The following ZNF438 variants were observed in gnomAD, a reference collection of about 807,000 sequenced individuals.
The protein encoded by ZNF438 is zinc finger protein 438.
ZNF438 carries 25 observed loss-of-function variants against 38.0 expected under a neutral mutation model. That is an observed-to-expected ratio of 0.66 (90% CI 0.48 to 0.92). The LOEUF (loss-of-function observed/expected upper bound fraction) is 0.92. Among genes scored for constraint, ZNF438 ranks in the 40% least tolerant of loss-of-function variants. The pLI is 0.00. For synonymous variants in ZNF438, 372 were observed against 364.1 expected, an observed-to-expected ratio of 1.02 and a Z score of -0.25; for missense variants, 1,007 against 999.6, an observed-to-expected ratio of 1.01 and a Z score of -0.10.
At chr10:30,876,486 A>G (rs1380950910) in intron 4 of ZNF438, among the ~76,000 whole-genome samples, 3 of 152,156 alleles carry the variant, frequency 2.0e-5, no homozygotes, top group Non-Finnish European at 4.4e-5. Flanking sequence ...TCATTATTTT[A>G]TTTTTTATAC....
intron 3 of ZNF438, among the ~76,000 whole-genome samples, chr10:30,883,621 A>G (rs1224806793): frequency 6.6e-6 from 1 of 152,218 alleles, no homozygotes; most frequent in African/African-American, 2.4e-5. Flanking sequence ...CTGTAATCCC[A>G]ACACTTTTGG....
chr10:30,950,331 T>G (rs2048016785), intron 1 of ZNF438, among the ~76,000 whole-genome samples: 1 of 150,620 alleles, frequency 6.6e-6, no homozygotes, highest in African/African-American at 2.4e-5. Context: ...ACATCACAAT[T>G]AAAAGAACTA....
intron 2 of ZNF438, among the ~76,000 whole-genome samples, chr10:30,911,691 T>G (rs1187441953): frequency 6.6e-6 from 1 of 152,170 alleles, no homozygotes; most frequent in Non-Finnish European, 1.5e-5. Flanking sequence ...CCAGCCTCTT[T>G]GATGCCTGAC....
chr10:30,881,135 CAGTGCAAT>C (rs1310926545), intron 3 of ZNF438, among the ~76,000 whole-genome samples: 2 of 152,020 alleles, frequency 1.3e-5, no homozygotes, highest in African/African-American at 2.4e-5. Flanking sequence ...AAGTTCTAGC[CAGTGCAAT>C]AGAGCAAAAA....
intron 4 of ZNF438, among the ~76,000 whole-genome samples, chr10:30,856,733 CTT>C (rs1386832416): frequency 2.0e-5 from 3 of 152,168 alleles, no homozygotes; most frequent in African/African-American, 7.2e-5. Context: ...TAAACATGGA[CTT>C]TTATTAACTG....
At chr10:30,896,787 C>T (rs1405770333) in intron 3 of ZNF438, among the ~76,000 whole-genome samples, 1 of 152,030 alleles carries the variant, frequency 6.6e-6, no homozygotes, top group African/African-American at 2.4e-5. Flanking sequence ...GTAATTAACA[C>T]TACTGAAATG....
At chr10:30,867,262 A>T (rs1031155039) in intron 4 of ZNF438, among the ~76,000 whole-genome samples, 1 of 152,240 alleles carries the variant, frequency 6.6e-6, no homozygotes, top group Non-Finnish European at 1.5e-5. Context: ...ACTATCTTCA[A>T]TGAAGCCAGA....
At chr10:30,929,099 A>C (rs2045310279) in intron 2 of ZNF438, among the ~76,000 whole-genome samples, 2 of 152,252 alleles carry the variant, frequency 1.3e-5, no homozygotes, top group South Asian at 4.1e-4. Flanking sequence ...TTAATAGAAG[A>C]AAGCAGGTGG....
exon 5 of ZNF438, chr10:30,850,346 C>G: frequency 5.6e-6 from 9 of 1,612,166 alleles, no homozygotes; most frequent in Non-Finnish European, 7.6e-6. Context: ...CTGTATTGTT[C>G]CAGAAGGGAT....
At chr10:31,020,381 C>A (rs568586105) in intron 1 of ZNF438, among the ~76,000 whole-genome samples, 1 of 152,184 alleles carries the variant, frequency 6.6e-6, no homozygotes, top group East Asian at 1.9e-4. Context: ...TCAGGAGAGG[C>A]GGCAATTACA....
chr10:30,880,430 T>TAAAAAAAAA (rs60365494), intron 3 of ZNF438, among the ~76,000 whole-genome samples: 2 of 111,924 alleles, frequency 1.8e-5, no homozygotes, highest in Non-Finnish European at 3.6e-5. Flanking sequence ...AAATTCTATC[T>TAAAAAAAAA]AAAAAAAAAA....
chr10:30,933,652 G>A (rs765067174), intron 2 of ZNF438, among the ~76,000 whole-genome samples: 7 of 152,034 alleles, frequency 4.6e-5, no homozygotes, highest in South Asian at 2.1e-4. Flanking sequence ...AAAACATTAC[G>A]CAGGCTATGC....
At chr10:30,886,040 A>G (rs1220565360) in intron 3 of ZNF438, among the ~76,000 whole-genome samples, 1 of 152,244 alleles carries the variant, frequency 6.6e-6, no homozygotes, top group African/African-American at 2.4e-5. Context: ...GAGCTTTCTC[A>G]TGATTACTGA....
intron 1 of ZNF438, among the ~76,000 whole-genome samples, chr10:31,005,066 T>C (rs2054994930): frequency 6.6e-6 from 1 of 152,122 alleles, no homozygotes; most frequent in Non-Finnish European, 1.5e-5. Flanking sequence ...CTAAGGAAAT[T>C]AAAAATACAA....
chr10:31,022,216 T>C (rs544297750), intron 1 of ZNF438, among the ~76,000 whole-genome samples: 6 of 152,070 alleles, frequency 3.9e-5, no homozygotes, highest in East Asian at 3.9e-4. Flanking sequence ...TCATAGTCAC[T>C]GTTTGGTGGC....
intron 2 of ZNF438, among the ~76,000 whole-genome samples, chr10:30,912,741 A>G (rs1257631125): frequency 6.6e-6 from 1 of 152,114 alleles, no homozygotes; most frequent in Non-Finnish European, 1.5e-5. Flanking sequence ...TCCTCAGCTT[A>G]AAAAATGCTG....
intron 3 of ZNF438, among the ~76,000 whole-genome samples, chr10:30,898,952 T>C (rs2041679317): frequency 6.6e-6 from 1 of 152,210 alleles, no homozygotes; most frequent in Admixed American, 6.5e-5. Flanking sequence ...TAGTTAAGGA[T>C]GGATCTTCAA....
intron 1 of ZNF438, among the ~76,000 whole-genome samples, chr10:30,980,894 T>A (rs2052052173): frequency 6.6e-6 from 1 of 152,200 alleles, no homozygotes; most frequent in African/African-American, 2.4e-5. Context: ...TAGCCAACCA[T>A]CATAATCCTC....
intron 2 of ZNF438, among the ~76,000 whole-genome samples, chr10:30,936,320 C>G (rs975935329): frequency 6.6e-6 from 1 of 152,200 alleles, no homozygotes; most frequent in Non-Finnish European, 1.5e-5. Context: ...CAAATCTAAA[C>G]AAACCATCCA....
Sources: allele counts gnomAD v4.1 joint callset (sites outside exome capture counted in the v4.1 genomes callset), GRCh38; gene constraint gnomAD v4.1.1; transcripts MANE v1.5; gene names NCBI Gene and HGNC (gene_info 2026-07-23, HGNC 2026-07-21).